KCND2: variants seen among roughly 807,000 people sequenced by gnomAD.
The protein encoded by KCND2 is A-type voltage-gated potassium channel KCND2.
Under a neutral mutation model 54.4 loss-of-function variants are expected in KCND2, and 16 were observed. The observed-to-expected ratio is 0.29, with a 90% CI of 0.20 to 0.45. KCND2 has a LOEUF of 0.45. KCND2 is among the 20% of genes least tolerant of loss of function. KCND2 has a pLI of 1.00. For synonymous variants in KCND2, 317 were observed against 310.7 expected, an observed-to-expected ratio of 1.02 and a Z score of -0.21; for missense variants, 486 against 824.2, an observed-to-expected ratio of 0.59 and a Z score of 5.02.
At chr7:120,723,037 A>C (rs1166008850) in intron 1 of KCND2, among the ~76,000 whole-genome samples, 1 of 152,188 alleles carries the variant, frequency 6.6e-6, no homozygotes, top group African/African-American at 2.4e-5. Flanking sequence ...AGAACCATGC[A>C]CCGTGGGGAG....
chr7:120,362,079 A>G (rs1800599542), intron 1 of KCND2, among the ~76,000 whole-genome samples: 1 of 152,064 alleles, frequency 6.6e-6, no homozygotes, highest in East Asian at 1.9e-4. Context: ...CACCTTACCT[A>G]CCTGGGCGAG....
At chr7:120,697,955 A>T (rs556162412) in intron 1 of KCND2, among the ~76,000 whole-genome samples, 1 of 152,024 alleles carries the variant, frequency 6.6e-6, no homozygotes, top group East Asian at 1.9e-4. Flanking sequence ...AATGTTAAGG[A>T]AAATTTATTT....
intron 1 of KCND2, among the ~76,000 whole-genome samples, chr7:120,354,284 A>G (rs769637905): frequency 6.6e-6 from 1 of 152,188 alleles, no homozygotes; most frequent in Non-Finnish European, 1.5e-5. Context: ...CTTTTTTGAT[A>G]ATATTGGTGG....
At chr7:120,696,059 G>A (rs1214177071) in intron 1 of KCND2, among the ~76,000 whole-genome samples, 1 of 152,158 alleles carries the variant, frequency 6.6e-6, no homozygotes, top group Non-Finnish European at 1.5e-5. Context: ...AAACAAGGCA[G>A]CCAGCCAGAA....
intron 1 of KCND2, among the ~76,000 whole-genome samples, chr7:120,488,375 G>T (rs1267072119): frequency 6.6e-6 from 1 of 152,110 alleles, no homozygotes; most frequent in Non-Finnish European, 1.5e-5. Context: ...TATAAAATAA[G>T]ATGTGCTATA....
At chr7:120,378,132 T>C (rs1800861831) in intron 1 of KCND2, among the ~76,000 whole-genome samples, 2 of 151,964 alleles carry the variant, frequency 1.3e-5, no homozygotes, top group African/African-American at 2.4e-5. Flanking sequence ...CTTTTCTGTA[T>C]GTATATACGT....
intron 1 of KCND2, among the ~76,000 whole-genome samples, chr7:120,323,114 A>G (rs1196547503): frequency 6.6e-6 from 1 of 151,908 alleles, no homozygotes. Flanking sequence ...CCTCGCATGC[A>G]TTAGGTATTT....
chr7:120,367,427 A>C (rs918235042), intron 1 of KCND2, among the ~76,000 whole-genome samples: 1 of 152,086 alleles, frequency 6.6e-6, no homozygotes, highest in Non-Finnish European at 1.5e-5. Context: ...GATAATTTTG[A>C]GAACAGTATT....
intron 1 of KCND2, among the ~76,000 whole-genome samples, chr7:120,641,458 A>G (rs1178367142): frequency 6.6e-6 from 1 of 152,176 alleles, no homozygotes; most frequent in East Asian, 1.9e-4. Flanking sequence ...TGTAAATCAC[A>G]TTGATAATGG....
At chr7:120,323,178 G>A (rs998442505) in intron 1 of KCND2, among the ~76,000 whole-genome samples, 5 of 152,008 alleles carry the variant, frequency 3.3e-5, no homozygotes, top group African/African-American at 9.7e-5. Context: ...CCTGGTGTGT[G>A]ATGTTCTCCT....
At chr7:120,565,648 C>A (rs1330440522) in intron 1 of KCND2, among the ~76,000 whole-genome samples, 2 of 152,042 alleles carry the variant, frequency 1.3e-5, no homozygotes, top group East Asian at 3.9e-4. Flanking sequence ...CACAGAGATT[C>A]CATGGTTTTT....
chr7:120,643,407 A>AAT (rs1017163121), intron 1 of KCND2, among the ~76,000 whole-genome samples: 29 of 152,090 alleles, frequency 1.9e-4, no homozygotes, highest in African/African-American at 6.8e-4. Flanking sequence ...TTAACATAAA[A>AAT]ATATATATAT....
intron 1 of KCND2, among the ~76,000 whole-genome samples, chr7:120,426,627 TCGCCCAGGC>T (rs1801711601): frequency 4.5e-5 from 4 of 88,170 alleles, no homozygotes; most frequent in African/African-American, 3.2e-4. Flanking sequence ...TCTCGCTCTG[TCGCCCAGGC>T]TGGAGTGCAG....
At chr7:120,346,525 G>A (rs1373842958) in intron 1 of KCND2, among the ~76,000 whole-genome samples, 5 of 152,116 alleles carry the variant, frequency 3.3e-5, no homozygotes, top group Non-Finnish European at 5.9e-5. Flanking sequence ...ACAGATTTTG[G>A]TGCTTCTTGA....
intron 1 of KCND2, among the ~76,000 whole-genome samples, chr7:120,583,955 G>A (rs1279905132): frequency 2.6e-5 from 4 of 152,352 alleles, no homozygotes; most frequent in African/African-American, 9.6e-5. Flanking sequence ...CAGGGAAGGT[G>A]TCAACCACAG....
intron 1 of KCND2, among the ~76,000 whole-genome samples, chr7:120,277,651 A>G (rs1331633999): frequency 6.6e-6 from 1 of 152,016 alleles, no homozygotes; most frequent in Admixed American, 6.5e-5. Context: ...ATAGTTCTAT[A>G]CTAGACTTGA....
chr7:120,590,855 A>G (rs1156781956), intron 1 of KCND2, among the ~76,000 whole-genome samples: 1 of 152,188 alleles, frequency 6.6e-6, no homozygotes, highest in Non-Finnish European at 1.5e-5. Context: ...ATCCTTGTCT[A>G]GGATAACTTG....
intron 1 of KCND2, among the ~76,000 whole-genome samples, chr7:120,314,373 A>G (rs1799783505): frequency 6.6e-6 from 1 of 151,964 alleles, no homozygotes; most frequent in Non-Finnish European, 1.5e-5. Flanking sequence ...AGATTAAGGC[A>G]AAGAGAAAAG....
chr7:120,274,740 A>G lies in KCND2; in HGVS notation c.108A>G (p.Lys36=), dbSNP rs759371689. 1.4e-5 allele frequency: 22 copies of G among 1,613,778 alleles called. No individual in the cohort carries two copies. Among genetic ancestry groups the G allele is most frequent in the Non-Finnish European group, 1.8e-5 (21 of 1,179,958 alleles). ...CGGCTCCCCCGAGGCAGGAGAGGAA[A>G]AGGACCCAAGATGCTCTCATTGTGC... is the stretch of plus-strand genomic sequence containing the variant. ...PMPAPPRQER[K]RTQDALIVLN... Residue 36 remains lysine, a synonymous_variant, in exon 1 of 6, where the codon AAA becomes AAG. Transcript: ENST00000331113.
Sources: gnomAD v4.1 joint callset for allele counts (sites outside exome capture counted in the v4.1 genomes callset) on GRCh38, gnomAD v4.1.1 for gene constraint, MANE v1.5 for transcripts, NCBI Gene and HGNC (gene_info 2026-07-23, HGNC 2026-07-21) for gene names.